Variants in TCF20 observed in about 807,000 individuals in gnomAD.
TCF20 encodes the protein SPRE-binding protein.
A neutral mutation model predicts 148.6 loss-of-function variants in TCF20; 3 were observed. That is an observed-to-expected ratio of 0.02 (90% CI 0.01 to 0.05). TCF20 has a LOEUF of 0.05. TCF20 is among the 10% of genes least tolerant of loss of function. The pLI, the probability that TCF20 is intolerant of heterozygous loss-of-function variation, is 1.00. For missense variants in TCF20, 2,350 were observed against 2,429.3 expected (o/e 0.97, Z 0.69); for synonymous variants, 1,049 against 909.5 (o/e 1.15, Z -2.76).
At chr22:42,257,504 G>C (rs1165007406) in intron 1 of TCF20, among the ~76,000 whole-genome samples, 3 of 152,298 alleles carry the variant, frequency 2.0e-5, no homozygotes, top group Non-Finnish European at 4.4e-5. Flanking sequence ...TATACGGCTA[G>C]AGATGGGAAG....
intron 2 of TCF20, among the ~76,000 whole-genome samples, chr22:42,192,381 C>T (rs1282030392): frequency 2.0e-5 from 3 of 152,204 alleles, no homozygotes; most frequent in Non-Finnish European, 4.4e-5. Context: ...TTTCTTCCTA[C>T]TTGCATTCAT....
chr22:42,269,879 T>G (rs1392841932), intron 1 of TCF20: 2 of 152,188 alleles, frequency 1.3e-5, no homozygotes, highest in Non-Finnish European at 2.9e-5. Context: ...CCAGCCCCGC[T>G]GGCCTCGCCT....
At chr22:42,335,904 G>A (rs1928058809) in intron 1 of TCF20, among the ~76,000 whole-genome samples, 1 of 152,164 alleles carries the variant, frequency 6.6e-6, no homozygotes, top group African/African-American at 2.4e-5. Flanking sequence ...TACCCCCGAG[G>A]CCACCTGTGG....
chr22:42,213,338 C>T lies in TCF20; in HGVS notation c.1968G>A (p.Glu656=). ...CTTTGCTCCCTCCTCCTCCTGGAGG[C>T]TCTGGCTGGGGAAGTGATGCATGAC... ...ETSHASLPQP[E]PPGGGGSKGN... Residue 656 remains glutamate (E), a synonymous_variant, in exon 2 of 6, where the codon GAG becomes GAA. Transcript: ENST00000677622. The T allele has an allele frequency of 6.2e-7, 1 of 1,614,182 alleles. No individual in the cohort carries two copies. The highest frequency in any genetic ancestry group is 1.1e-5 in the South Asian group (1 of 91,080).
chr22:42,281,677 A>G (rs1004651743), intron 1 of TCF20, among the ~76,000 whole-genome samples: 2 of 152,214 alleles, frequency 1.3e-5, no homozygotes, highest in Admixed American at 6.5e-5. Flanking sequence ...GTACTCAGGG[A>G]AAAGATTTCT....
intron 3 of TCF20, among the ~76,000 whole-genome samples, chr22:42,176,579 G>C (rs1936467148): frequency 6.6e-6 from 1 of 152,196 alleles, no homozygotes; most frequent in African/African-American, 2.4e-5. Flanking sequence ...GAAGCACAGA[G>C]AGGGGGCATG....
intron 1 of TCF20, among the ~76,000 whole-genome samples, chr22:42,254,438 A>C (rs1424800607): frequency 6.6e-6 from 1 of 152,270 alleles, no homozygotes; most frequent in Non-Finnish European, 1.5e-5. Flanking sequence ...GGTTAAGGGC[A>C]CAGAGTCCAG....
At position 42,211,378 on chromosome 22, in the gene TCF20, A is replaced by C; in HGVS notation, c.3928T>G (p.Ser1310Ala). 1 of 1,614,178 alleles carries C rather than the reference A, an allele frequency of 6.2e-7. No homozygotes were observed. Among genetic ancestry groups the C allele is most frequent in the Non-Finnish European group, 8.5e-7 (1 of 1,180,036 alleles). ...AHLSHSQDIK[S>A]IPKRDSSKDL... ...TTGGAGGAATCTCTCTTAGGGATAG[A>C]CTTGATATCCTGACTGTGAGAAAGA... The change falls in exon 2 of 6, where the codon TCT becomes GCT. Residue 1310 changes from serine to alanine, a missense_variant. By Grantham distance (99) the Ser-to-Ala change is moderately conservative (BLOSUM62 1). Around this residue, in one of 7 missense-constraint regions of TCF20, gnomAD observed 1,641 missense variants for 1,662.6 expected, o/e 0.99. Coordinates refer to ENST00000677622, the MANE Select transcript of TCF20 (RefSeq NM_001378418.1).
intron 5 of TCF20, 74 bp downstream of exon 5, chr22:42,168,535 G>T: frequency 6.6e-7 from 1 of 1,523,218 alleles, no homozygotes; most frequent in African/African-American, 1.4e-5. Context: ...AGCATAGAGC[G>T]AGCAGGAGGG....
At position 42,270,653 on chromosome 22, in the gene TCF20, C is replaced by G. The variant is rs1057256729; in HGVS notation, c.-351G>C. ...CATTCTCCCAACACACAGGAAATAA[C>G]AGAGCGTCAGGTGACGGCGCGCGGC... On this transcript the variant is annotated 5_prime_UTR_variant, in exon 1 of 6. Coordinates refer to ENST00000677622, the MANE Select transcript of TCF20 (RefSeq NM_001378418.1). 4.9e-5 allele frequency among the ~76,000 whole-genome samples: 7 copies of G among 143,582 alleles called. No homozygotes were observed. Among genetic ancestry groups the G allele is most frequent in the Non-Finnish European group, 7.7e-5 (5 of 65,098 alleles). 94.2% of individuals were successfully genotyped at this position (143,582 alleles called of 152,430 possible).
At chr22:42,225,355 C>T (rs1922780479) in intron 1 of TCF20, among the ~76,000 whole-genome samples, 1 of 151,770 alleles carries the variant, frequency 6.6e-6, no homozygotes, top group Non-Finnish European at 1.5e-5. Flanking sequence ...TGGCTCACAC[C>T]TGTAATCCCA....
intron 2 of TCF20, among the ~76,000 whole-genome samples, chr22:42,186,802 C>G (rs951900155): frequency 1.3e-5 from 2 of 152,190 alleles, no homozygotes; most frequent in African/African-American, 2.4e-5. Flanking sequence ...ATTTTTAAAG[C>G]TTTCTAAAGC....
At chr22:42,324,623 G>A (rs925006525) in intron 1 of TCF20, among the ~76,000 whole-genome samples, 3 of 148,822 alleles carry the variant, frequency 2.0e-5, no homozygotes, top group Admixed American at 1.3e-4. Context: ...TCCACCATCC[G>A]AGAAAATAAT....
At chr22:42,270,675 C>A (rs1926567891), upstream of TCF20, among the ~76,000 whole-genome samples, 1 of 134,598 alleles carries the variant, frequency 7.4e-6, no homozygotes, top group African/African-American at 2.7e-5. Context: ...TGACGGCGCG[C>A]GGCCAATGGG....
intron 5 of TCF20, among the ~76,000 whole-genome samples, chr22:42,166,303 G>C (rs1724648504): frequency 6.6e-6 from 1 of 152,206 alleles, no homozygotes; most frequent in South Asian, 2.1e-4. Context: ...GAAGGATGAA[G>C]CTCATTGTTC....
chr22:42,258,622 C>G (rs1221780404), intron 1 of TCF20, among the ~76,000 whole-genome samples: 1 of 152,188 alleles, frequency 6.6e-6, no homozygotes, highest in Non-Finnish European at 1.5e-5. Context: ...TGAGTACCCA[C>G]ACAACCATTC....
intron 1 of TCF20, among the ~76,000 whole-genome samples, chr22:42,256,710 T>C (rs134871): frequency 0.44 from 66,894 of 152,040 alleles, 15,569 homozygotes; most frequent in South Asian, 0.57. Flanking sequence ...ATCTTTTCAT[T>C]TACATCTGTT....
At chr22:42,334,888 G>A (rs1250925366) in intron 1 of TCF20, among the ~76,000 whole-genome samples, 1 of 152,166 alleles carries the variant, frequency 6.6e-6, no homozygotes, top group Non-Finnish European at 1.5e-5. Context: ...GTTGTCGGAA[G>A]GGAACCTTGC....
chr22:42,164,365 C>A (rs1935653455), intron 5 of TCF20, among the ~76,000 whole-genome samples: 1 of 152,084 alleles, frequency 6.6e-6, no homozygotes, highest in Non-Finnish European at 1.5e-5. Flanking sequence ...CAGGCGCCCA[C>A]CACCACGCCC....
Sources: gnomAD v4.1 joint callset for allele counts (sites outside exome capture counted in the v4.1 genomes callset) on GRCh38, gnomAD v4.1.1 for gene constraint, gnomAD v4.1.1 regional missense constraint, MANE v1.5 for transcripts, NCBI Gene and HGNC (gene_info 2026-07-23, HGNC 2026-07-21) for gene names.